Variants in ITGBL1 observed in about 807,000 individuals in gnomAD.
The protein encoded by ITGBL1 is integrin beta-like protein 1.
In ITGBL1, 51 loss-of-function variants were observed where a neutral mutation model predicts 68.5. The ratio of observed to expected loss-of-function variants is 0.74; its 90% CI spans 0.59 to 0.94. ITGBL1 has a LOEUF of 0.94. Ranked by LOEUF, ITGBL1 falls within the 40% of genes least tolerant of loss-of-function variation. ITGBL1 has a pLI of 0.00. For synonymous variants in ITGBL1, 209 were observed against 227.3 expected (o/e 0.92, Z 0.72); for missense variants, 649 against 647.4 (o/e 1.00, Z -0.03).
At chr13:101,476,833 A>G (rs9557663) in intron 2 of ITGBL1, among the ~76,000 whole-genome samples, 21,682 of 152,124 alleles carry the variant, frequency 0.14, 2,053 homozygotes, top group East Asian at 0.43. Context: ...AAACTGGAGC[A>G]CCTAGACATG....
At chr13:101,544,804 T>C (rs534858610) in intron 2 of ITGBL1, among the ~76,000 whole-genome samples, 119 of 152,332 alleles carry the variant, frequency 7.8e-4, no homozygotes, top group African/African-American at 2.7e-3. Context: ...GATCTCAGAC[T>C]GCTGTGCTAG....
chr13:101,628,305 T>G (rs2031855720), intron 7 of ITGBL1, among the ~76,000 whole-genome samples: 1 of 152,228 alleles, frequency 6.6e-6, no homozygotes, highest in Admixed American at 6.5e-5. Flanking sequence ...CTCTTATTGT[T>G]GAGTTTTAGG....
In ITGBL1 at chr13:101,605,938, GTA is replaced by G. The variant is rs1158224345; in HGVS notation, c.1015+7641_1015+7642del. Among the ~76,000 whole-genome samples, 3 of 147,360 alleles carry G rather than the reference GTA, an allele frequency of 2.0e-5. No individual in the cohort carries two copies. In the East Asian group the frequency reaches 5.9e-4, roughly 29 times the overall value. ...CACATATATAGACATATGTATGCGT[GTA>G]TGTGTATATATACACATATACACAT... On this transcript the variant is annotated intron_variant, in intron 7 of 10. Transcript: ENST00000376180.
At chr13:101,547,745 C>T (rs942916819) in intron 2 of ITGBL1, among the ~76,000 whole-genome samples, 3 of 151,582 alleles carry the variant, frequency 2.0e-5, no homozygotes, top group East Asian at 3.9e-4. Flanking sequence ...AAATGTTTGA[C>T]GTGATAGATC....
intron 7 of ITGBL1, among the ~76,000 whole-genome samples, chr13:101,634,810 A>G (rs141508285): frequency 1.1e-3 from 161 of 152,150 alleles, no homozygotes; most frequent in Non-Finnish European, 1.9e-3. Context: ...GAGTGTGGCT[A>G]TTTGCAAGGG....
In ITGBL1 at chr13:101,601,998, A is replaced by C. The variant is rs1470745192; in HGVS notation, c.1015+3699A>C. 4.6e-5 allele frequency among the ~76,000 whole-genome samples: 7 copies of C among 152,160 alleles called. No individual in the cohort carries two copies. In the South Asian group the frequency reaches 1.0e-3, roughly 23 times the overall value. On this transcript the variant is annotated intron_variant, in intron 7 of 10. Coordinates refer to ENST00000376180, the MANE Select transcript of ITGBL1 (RefSeq NM_004791.3). ...AATTTCCATGAATGAAAGTACATGG[A>C]GAAATATGATTCTCTTTCTCTCTTT...
chr13:101,631,149 A>G (rs1177704280), intron 7 of ITGBL1, among the ~76,000 whole-genome samples: 4 of 152,160 alleles, frequency 2.6e-5, no homozygotes, highest in Admixed American at 1.3e-4. Context: ...TGATCCTGGA[A>G]CTTTTCTCCC....
At chr13:101,610,438 A>G (rs1042479487) in intron 7 of ITGBL1, among the ~76,000 whole-genome samples, 2 of 152,262 alleles carry the variant, frequency 1.3e-5, no homozygotes, top group Non-Finnish European at 2.9e-5. Flanking sequence ...ATAGTTGCAA[A>G]ACGAATGCAG....
At chr13:101,659,892 C>T (rs1419765849) in intron 7 of ITGBL1, among the ~76,000 whole-genome samples, 1 of 152,156 alleles carries the variant, frequency 6.6e-6, no homozygotes, top group Admixed American at 6.5e-5. Context: ...AACTCAGCCT[C>T]AGATGAGCTC....
chr13:101,591,544 T>A (rs2050654971), intron 6 of ITGBL1, among the ~76,000 whole-genome samples: 1 of 151,266 alleles, frequency 6.6e-6, no homozygotes, highest in Admixed American at 6.6e-5. Flanking sequence ...ATTTTGTGAT[T>A]TTTTTTTTAC....
intron 2 of ITGBL1, among the ~76,000 whole-genome samples, chr13:101,514,856 T>TAGGGGCATTTC (rs2049170464): frequency 6.6e-6 from 1 of 152,028 alleles, no homozygotes; most frequent in African/African-American, 2.4e-5. Context: ...GCTCCTGAGG[T>TAGGGGCATTTC]CCCAGGCTAG....
chr13:101,671,923 A>G (rs1465363229), intron 7 of ITGBL1, among the ~76,000 whole-genome samples: 1 of 152,158 alleles, frequency 6.6e-6, no homozygotes, highest in African/African-American at 2.4e-5. Flanking sequence ...CTATATTACA[A>G]AGGTTTTGAC....
chr13:101,637,558 A>T (rs3783217), intron 7 of ITGBL1, among the ~76,000 whole-genome samples: 26,540 of 151,950 alleles, frequency 0.17, 2,631 homozygotes, highest in African/African-American at 0.27. Context: ...TTAGTCAGAA[A>T]GGTCTCGATC....
chr13:101,605,820 G>A (rs148916421), intron 7 of ITGBL1, among the ~76,000 whole-genome samples: 1 of 150,578 alleles, frequency 6.6e-6, no homozygotes, highest in Non-Finnish European at 1.5e-5. Flanking sequence ...ACATGTATGT[G>A]CATATGTGTA....
At chr13:101,642,685 T>C (rs1231733890) in intron 7 of ITGBL1, among the ~76,000 whole-genome samples, 13 of 151,320 alleles carry the variant, frequency 8.6e-5, no homozygotes, top group Admixed American at 8.5e-4. Flanking sequence ...TCCAGGGTTT[T>C]TATGGTTTTA....
intron 7 of ITGBL1, among the ~76,000 whole-genome samples, chr13:101,688,190 T>TC (rs1438461380): frequency 6.6e-6 from 1 of 152,176 alleles, no homozygotes; most frequent in Non-Finnish European, 1.5e-5. Context: ...AAGATACAAA[T>TC]CTCACCGTTA....
intron 2 of ITGBL1, among the ~76,000 whole-genome samples, chr13:101,501,535 C>G (rs952620569): frequency 6.6e-6 from 1 of 152,104 alleles, no homozygotes; most frequent in Non-Finnish European, 1.5e-5. Flanking sequence ...ACAATGATTA[C>G]AGTAAACAAA....
At chr13:101,649,922 T>C (rs944072092) in intron 7 of ITGBL1, among the ~76,000 whole-genome samples, 2 of 152,212 alleles carry the variant, frequency 1.3e-5, no homozygotes, top group Non-Finnish European at 2.9e-5. Flanking sequence ...ACCAGATATC[T>C]GTGATCTAGT....
At chr13:101,605,217 C>G (rs1203749396) in intron 7 of ITGBL1, among the ~76,000 whole-genome samples, 3 of 140,946 alleles carry the variant, frequency 2.1e-5, no homozygotes, top group Admixed American at 7.1e-5. Flanking sequence ...TATATATACA[C>G]ATATAGACAT....
Sources: gnomAD v4.1 joint callset for allele counts (sites outside exome capture counted in the v4.1 genomes callset) on GRCh38, gnomAD v4.1.1 for gene constraint, MANE v1.5 for transcripts, NCBI Gene and HGNC (gene_info 2026-07-23, HGNC 2026-07-21) for gene names.